Variants in ROBO2 observed in about 807,000 individuals in gnomAD.
ROBO2 encodes the protein roundabout homolog 2.
Under a neutral mutation model 160.8 loss-of-function variants are expected in ROBO2, and 53 were observed. The observed-to-expected ratio is 0.33, with a 90% CI of 0.26 to 0.41. The LOEUF (loss-of-function observed/expected upper bound fraction) is 0.41, where lower values mean the gene tolerates loss of function less well. Ranked by LOEUF, ROBO2 falls within the 10% of genes least tolerant of loss-of-function variation. The probability of loss-of-function intolerance (pLI) is 1.00; values close to 1 mark genes in which losing one functional copy is unlikely to be tolerated. For missense variants in ROBO2, 1,577 were observed against 1,722.4 expected (o/e 0.92, Z 1.49); for synonymous variants, 664 against 611.7 (o/e 1.09, Z -1.26).
At chr3:77,234,507 C>G (rs1401565458) in intron 2 of ROBO2, among the ~76,000 whole-genome samples, 1 of 151,704 alleles carries the variant, frequency 6.6e-6, no homozygotes, top group Non-Finnish European at 1.5e-5. Context: ...CACAGACAAT[C>G]TGCTTTTTTT....
intron 2 of ROBO2, among the ~76,000 whole-genome samples, chr3:77,321,065 A>AT (rs1025684067): frequency 5.3e-5 from 8 of 152,064 alleles, no homozygotes; most frequent in African/African-American, 1.7e-4. Flanking sequence ...GGGGTTTTAG[A>AT]TTTTTTTCAT....
chr3:77,165,690 GGC>G (rs2079014425), intron 2 of ROBO2, among the ~76,000 whole-genome samples: 1 of 152,000 alleles, frequency 6.6e-6, no homozygotes, highest in African/African-American at 2.4e-5. Context: ...GTAACAAGAA[GGC>G]TTAAGTATCC....
intron 2 of ROBO2, among the ~76,000 whole-genome samples, chr3:76,397,773 G>A (rs1223993222): frequency 1.3e-5 from 2 of 151,950 alleles, no homozygotes; most frequent in African/African-American, 2.4e-5. Context: ...AACCACAATG[G>A]GATACCATCT....
At chr3:77,180,410 C>CTATA (rs1306675292) in intron 2 of ROBO2, among the ~76,000 whole-genome samples, 31 of 97,982 alleles carry the variant, frequency 3.2e-4, no homozygotes, top group African/African-American at 1.1e-3. Context: ...CTCTCTCTCT[C>CTATA]TCTCTCTATA....
chr3:76,735,515 A>G (rs370254498), intron 2 of ROBO2, among the ~76,000 whole-genome samples: 17 of 152,224 alleles, frequency 1.1e-4, no homozygotes, highest in African/African-American at 4.1e-4. Flanking sequence ...TAATCTCAGC[A>G]CTTTGGGAGG....
At chr3:77,070,548 C>G (rs564303216) in intron 1 of ROBO2, among the ~76,000 whole-genome samples, 1 of 152,072 alleles carries the variant, frequency 6.6e-6, no homozygotes, top group Non-Finnish European at 1.5e-5. Context: ...TAAGGTCATA[C>G]GATGGCATTG....
chr3:76,060,896 G>A lies in ROBO2; in HGVS notation c.109+123294G>A, dbSNP rs1021077144. On this transcript the variant is annotated intron_variant, in intron 2 of 26. Coordinates refer to the ROBO2 transcript ENST00000487694. ...TCTCATGATCATCCCTGTTCCCACC[G>A]TGGAATTTGATTTAATGTTCTTCCA... Among the ~76,000 whole-genome samples the A allele has an allele frequency of 2.0e-5, 3 of 152,048 alleles. No individual in the cohort carries two copies. The South Asian group carries it at 6.2e-4, about 32-fold the overall frequency.
At chr3:77,156,339 A>G (rs1327785322) in intron 2 of ROBO2, among the ~76,000 whole-genome samples, 2 of 152,082 alleles carry the variant, frequency 1.3e-5, no homozygotes, top group Non-Finnish European at 2.9e-5. Context: ...TTATTTATGC[A>G]TATGAATCAT....
intron 2 of ROBO2, among the ~76,000 whole-genome samples, chr3:75,958,885 A>G (rs1289970676): frequency 1.3e-5 from 2 of 151,762 alleles, no homozygotes; most frequent in Admixed American, 6.6e-5. Context: ...ACATTTTGTG[A>G]TGCTTTTCCC....
chr3:76,994,254 G>C (rs1293417047), intron 2 of ROBO2, among the ~76,000 whole-genome samples: 1 of 152,098 alleles, frequency 6.6e-6, no homozygotes, highest in Non-Finnish European at 1.5e-5. Flanking sequence ...ATTTAGACTT[G>C]TTCCATTAGT....
intron 2 of ROBO2, among the ~76,000 whole-genome samples, chr3:77,274,279 G>C (rs188210638): frequency 6.6e-6 from 1 of 152,166 alleles, no homozygotes; most frequent in East Asian, 1.9e-4. Flanking sequence ...CATTGTCTAA[G>C]AAGCACTAAA....
At chr3:76,829,326 T>C (rs2066865525) in intron 2 of ROBO2, among the ~76,000 whole-genome samples, 1 of 152,198 alleles carries the variant, frequency 6.6e-6, no homozygotes, top group Non-Finnish European at 1.5e-5. Flanking sequence ...GTTGATCTCC[T>C]AGTAGCATTG....
chr3:77,035,791 G>A (rs186537277), upstream of ROBO2, among the ~76,000 whole-genome samples: 16 of 151,922 alleles, frequency 1.1e-4, no homozygotes, highest in East Asian at 3.9e-4. Context: ...CAAATGAGCC[G>A]TCTCTCTGTG....
At chr3:76,068,217 G>A (rs922980898) in intron 2 of ROBO2, among the ~76,000 whole-genome samples, 5 of 152,152 alleles carry the variant, frequency 3.3e-5, no homozygotes, top group African/African-American at 1.2e-4. Context: ...GTTTGAGGGA[G>A]GGTAAGGAGC....
intron 2 of ROBO2, among the ~76,000 whole-genome samples, chr3:76,117,447 CCA>C (rs1432050185): frequency 6.6e-6 from 1 of 152,014 alleles, no homozygotes; most frequent in Non-Finnish European, 1.5e-5. Flanking sequence ...GTTACTGTTT[CCA>C]ACAGAAATTA....
intron 1 of ROBO2, among the ~76,000 whole-genome samples, chr3:75,916,508 C>T (rs1332477070): frequency 1.3e-5 from 2 of 152,070 alleles, no homozygotes; most frequent in African/African-American, 2.4e-5. Flanking sequence ...ATTGACAGAA[C>T]AAGCATACAG....
At chr3:76,909,283 C>A (rs1482567808) in intron 2 of ROBO2, among the ~76,000 whole-genome samples, 1 of 152,100 alleles carries the variant, frequency 6.6e-6, no homozygotes, top group Non-Finnish European at 1.5e-5. Context: ...AGAAATAAAC[C>A]AAAATAGGAT....
intron 2 of ROBO2, among the ~76,000 whole-genome samples, chr3:77,444,609 A>G (rs1325878828): frequency 6.6e-6 from 1 of 152,190 alleles, no homozygotes; most frequent in Admixed American, 6.5e-5. Context: ...GTTAAAATAC[A>G]CATTGGAATT....
intron 2 of ROBO2, among the ~76,000 whole-genome samples, chr3:76,657,712 GTATATATATTCATATA>G (rs1560319625): frequency 7.5e-6 from 1 of 132,950 alleles, no homozygotes; most frequent in Non-Finnish European, 1.5e-5. Flanking sequence ...ATATATGTGT[GTATATATATTCATATA>G]TGAGTGTATA....
Sources: allele counts gnomAD v4.1 joint callset (sites outside exome capture counted in the v4.1 genomes callset), GRCh38; gene constraint gnomAD v4.1.1; transcripts MANE v1.5; gene names NCBI Gene and HGNC (gene_info 2026-07-23, HGNC 2026-07-21).